The following GABRB2 variants were observed in gnomAD, a reference collection of about 807,000 sequenced individuals.
The protein encoded by GABRB2 is gamma-aminobutyric acid receptor subunit beta-2.
GABRB2 carries 16 observed loss-of-function variants against 54.7 expected under a neutral mutation model. The ratio of observed to expected loss-of-function variants is 0.29; its 90% CI spans 0.20 to 0.44. The LOEUF (loss-of-function observed/expected upper bound fraction) is 0.44. Ranked by LOEUF, GABRB2 falls within the 20% of genes least tolerant of loss-of-function variation. GABRB2 has a pLI of 1.00. For synonymous variants in GABRB2, 244 were observed against 233.8 expected (o/e 1.04, Z -0.40); for missense variants, 355 against 644.0 (o/e 0.55, Z 4.86).
At chr5:161,374,444 A>G (rs1755224138) in intron 5 of GABRB2, among the ~76,000 whole-genome samples, 1 of 152,198 alleles carries the variant, frequency 6.6e-6, no homozygotes, top group African/African-American at 2.4e-5. Context: ...AGTTCTCTCA[A>G]GCTGTTCATT....
intron 4 of GABRB2, among the ~76,000 whole-genome samples, chr5:161,455,282 C>T (rs768430122): frequency 5.9e-5 from 9 of 152,062 alleles, no homozygotes; most frequent in African/African-American, 1.2e-4. Flanking sequence ...CACCCCTCTC[C>T]GGATAATGGA....
At chr5:161,304,797 A>C (rs1757635138) in intron 9 of GABRB2, among the ~76,000 whole-genome samples, 1 of 152,020 alleles carries the variant, frequency 6.6e-6, no homozygotes, top group African/African-American at 2.4e-5. Flanking sequence ...AAGCACATTT[A>C]ATAAAATGCA....
chr5:161,516,113 T>A (rs1759938920), intron 3 of GABRB2, among the ~76,000 whole-genome samples: 1 of 152,220 alleles, frequency 6.6e-6, no homozygotes, highest in African/African-American at 2.4e-5. Flanking sequence ...ACCTTTATTT[T>A]CCTCAAATGC....
At chr5:161,534,558 G>T (rs1760571263) in intron 3 of GABRB2, among the ~76,000 whole-genome samples, 1 of 152,246 alleles carries the variant, frequency 6.6e-6, no homozygotes, top group Middle Eastern at 3.4e-3. Context: ...TTCACTTGCA[G>T]GGTAAATGCA....
rs1185670809 is a variant in GABRB2 at position 161,308,107 on chromosome 5, C to T, written c.1192-13679G>A. Reference sequence around the variant, plus strand: ...CGATCTCCTGACCTCGTGATCTGCCCGCCTCGGCCTCACAAAGTGCTGGGA... The same window carrying T: ...CGATCTCCTGACCTCGTGATCTGCCTGCCTCGGCCTCACAAAGTGCTGGGA... On this transcript the variant is annotated intron_variant, in intron 9 of 9. Transcript: ENST00000393959. 4.6e-5 allele frequency among the ~76,000 whole-genome samples: 7 copies of T among 151,978 alleles called. No individual in the cohort carries two copies. In the South Asian group the frequency reaches 8.3e-4, roughly 18 times the overall value.
chr5:161,435,985 A>G (rs1757296205), intron 4 of GABRB2, among the ~76,000 whole-genome samples: 1 of 152,168 alleles, frequency 6.6e-6, no homozygotes, highest in Non-Finnish European at 1.5e-5. Flanking sequence ...CAATTATAAT[A>G]TTATGATTTC....
At chr5:161,327,836 A>G (rs1758414305) in intron 8 of GABRB2, among the ~76,000 whole-genome samples, 2 of 149,154 alleles carry the variant, frequency 1.3e-5, no homozygotes, top group South Asian at 4.2e-4. Context: ...AGCTGATTAT[A>G]AGTGCTTGAT....
At chr5:161,367,395 G>A (rs1755000749) in intron 5 of GABRB2, among the ~76,000 whole-genome samples, 1 of 152,166 alleles carries the variant, frequency 6.6e-6, no homozygotes, top group South Asian at 2.1e-4. Context: ...CTTAATCAGT[G>A]TAATCAGTGT....
In GABRB2 at chr5:161,292,483, AACATATGAAT is replaced by A. The variant is rs552880653; in HGVS notation, c.*1588_*1597del. On this transcript the variant is annotated 3_prime_UTR_variant, in exon 10 of 10. Transcript: ENST00000393959. ...ATATTAGCTTATTCTCCTCTTGTCC[AACATATGAAT>A]GCTTATGTCCAATTAGTGTAGAAAG... The A allele has an allele frequency of 3.0e-4, 46 of 152,334 alleles. No individual in the cohort carries two copies. Among genetic ancestry groups the A allele is most frequent in the African/African-American group, 1.1e-3 (46 of 41,586 alleles). The allele number at this position is 152,334 out of a possible 1,614,324, so 9.4% of individuals were successfully genotyped here.
At chr5:161,483,221 C>A (rs896419645) in intron 3 of GABRB2, among the ~76,000 whole-genome samples, 1 of 151,960 alleles carries the variant, frequency 6.6e-6, no homozygotes, top group South Asian at 2.1e-4. Flanking sequence ...CCATTCCCAA[C>A]CTTTTATAAT....
intron 3 of GABRB2, among the ~76,000 whole-genome samples, chr5:161,521,244 C>T (rs1358440660): frequency 6.6e-6 from 1 of 151,880 alleles, no homozygotes; most frequent in African/African-American, 2.4e-5. Context: ...GTACCTTACC[C>T]ATAATCACTA....
rs1235217855 is a variant in GABRB2 at position 161,291,886 on chromosome 5, A to C, written c.*2195T>G. ...TTCCTTCCTGATGTTTTTTAGTCAA[A>C]CTTTACCCCCTGTTGACAAGGGGCA... On this transcript the variant is annotated 3_prime_UTR_variant, in exon 10 of 10. Coordinates refer to ENST00000393959, the MANE Select transcript of GABRB2 (RefSeq NM_001371727.1). 6.6e-6 allele frequency: 1 copy of C among 152,220 alleles called. No individual in the cohort carries two copies. Among genetic ancestry groups the C allele is most frequent in the Non-Finnish European group, 1.5e-5 (1 of 68,006 alleles). 9.4% of individuals were successfully genotyped at this position (152,220 alleles called of 1,614,324 possible).
intron 3 of GABRB2, among the ~76,000 whole-genome samples, chr5:161,469,470 T>C (rs544623692): frequency 2.6e-4 from 40 of 151,814 alleles, no homozygotes; most frequent in Non-Finnish European, 4.9e-4. Flanking sequence ...TAAGCCATCA[T>C]TGATCAGTGA....
intron 5 of GABRB2, among the ~76,000 whole-genome samples, chr5:161,392,925 A>G (rs959907644): frequency 2.6e-5 from 4 of 152,130 alleles, no homozygotes; most frequent in African/African-American, 7.2e-5. Flanking sequence ...TATATTATTC[A>G]AACTTTTTAT....
intron 3 of GABRB2, among the ~76,000 whole-genome samples, chr5:161,491,126 T>C (rs1759082562): frequency 6.6e-6 from 1 of 151,658 alleles, no homozygotes; most frequent in Admixed American, 6.6e-5. Flanking sequence ...TAAAATGACA[T>C]AACTGTGGGT....
At chr5:161,454,661 A>G (rs1434972195) in intron 4 of GABRB2, among the ~76,000 whole-genome samples, 3 of 152,212 alleles carry the variant, frequency 2.0e-5, no homozygotes, top group African/African-American at 7.2e-5. Flanking sequence ...TTATTCTCAT[A>G]GATTATACAT....
chr5:161,498,975 C>T lies in GABRB2; in HGVS notation c.238-39131G>A, dbSNP rs190649213. On this transcript the variant is annotated intron_variant, in intron 3 of 9. Transcript: ENST00000393959. ...ATGCTCTGCTACCTTTCTACCCCCA[C>T]GTCCTCACGTCCTCACATCCTCGAA... is the stretch of plus-strand genomic sequence containing the variant. Among the ~76,000 whole-genome samples, 142 of 152,290 alleles carry T rather than the reference C, an allele frequency of 9.3e-4. 2 individuals are homozygous for T. The East Asian group carries it at 0.024, about 25-fold the overall frequency.
At chr5:161,359,383 T>C (rs1204155354) in intron 5 of GABRB2, among the ~76,000 whole-genome samples, 1 of 152,000 alleles carries the variant, frequency 6.6e-6, no homozygotes, top group Non-Finnish European at 1.5e-5. Context: ...ATTGTTTAAA[T>C]AGCATTTTTA....
chr5:161,308,494 G>GA (rs1483408599), intron 9 of GABRB2, among the ~76,000 whole-genome samples: 1 of 152,094 alleles, frequency 6.6e-6, no homozygotes, highest in Non-Finnish European at 1.5e-5. Flanking sequence ...CTCAGAACTA[G>GA]AAAAAACTAT....
Sources: allele counts gnomAD v4.1 joint callset (sites outside exome capture counted in the v4.1 genomes callset), GRCh38; gene constraint gnomAD v4.1.1; transcripts MANE v1.5; gene names NCBI Gene and HGNC (gene_info 2026-07-23, HGNC 2026-07-21).